MSI2: variants seen among roughly 807,000 people sequenced by gnomAD.
MSI2 encodes the protein musashi RNA binding protein 2.
A neutral mutation model predicts 45.6 loss-of-function variants in MSI2; 17 were observed. That is an observed-to-expected ratio of 0.37 (90% CI 0.26 to 0.56). MSI2 has a LOEUF of 0.56. Ranked by LOEUF, MSI2 falls within the 20% of genes least tolerant of loss-of-function variation. The pLI is 0.77. For synonymous variants in MSI2, 156 were observed against 158.2 expected (o/e 0.99, Z 0.11); for missense variants, 293 against 444.2 (o/e 0.66, Z 3.06).
At chr17:57,530,791 CAAG>C (rs912465386) in intron 7 of MSI2, among the ~76,000 whole-genome samples, 1 of 152,118 alleles carries the variant, frequency 6.6e-6, no homozygotes, top group African/African-American at 2.4e-5. Flanking sequence ...GAGTGAAAGG[CAAG>C]AAGGAGTGGA....
chr17:57,514,261 G>A (rs75967453), intron 6 of MSI2, among the ~76,000 whole-genome samples: 3,112 of 152,172 alleles, frequency 0.02, 85 homozygotes, highest in East Asian at 0.09. Context: ...TGTGCAAAAT[G>A]TAGAAATGAT....
At chr17:57,386,047 T>A (rs1290833347) in intron 5 of MSI2, among the ~76,000 whole-genome samples, 1 of 152,204 alleles carries the variant, frequency 6.6e-6, no homozygotes, top group Non-Finnish European at 1.5e-5. Context: ...TGAATGCCAG[T>A]GGTTTCTGGC....
chr17:57,460,729 G>A (rs1167785947), intron 6 of MSI2, among the ~76,000 whole-genome samples: 1 of 152,154 alleles, frequency 6.6e-6, no homozygotes, highest in Non-Finnish European at 1.5e-5. Flanking sequence ...TAGGAAACTT[G>A]TACTTTATCC....
intron 7 of MSI2, among the ~76,000 whole-genome samples, chr17:57,587,320 C>A (rs1196840002): frequency 6.6e-6 from 1 of 152,238 alleles, no homozygotes; most frequent in Admixed American, 6.5e-5. Context: ...TAGAAGGTTT[C>A]TCCTCACATT....
At chr17:57,424,968 T>A (rs2084464201) in intron 6 of MSI2, among the ~76,000 whole-genome samples, 1 of 152,166 alleles carries the variant, frequency 6.6e-6, no homozygotes, top group Non-Finnish European at 1.5e-5. Flanking sequence ...CTTCTGATCC[T>A]CAGCGAGGCC....
chr17:57,267,604 C>T (rs1907922179), intron 5 of MSI2: 1 of 151,470 alleles, frequency 6.6e-6, no homozygotes, highest in African/African-American at 2.4e-5. Flanking sequence ...AATCTTCGGC[C>T]GAAAACCCCG....
intron 8 of MSI2, among the ~76,000 whole-genome samples, chr17:57,614,820 T>C (rs1907520642): frequency 6.6e-6 from 1 of 152,214 alleles, no homozygotes; most frequent in African/African-American, 2.4e-5. Flanking sequence ...CTGAGGTTTA[T>C]AGTTCGCATA....
downstream of MSI2, among the ~76,000 whole-genome samples, chr17:57,687,255 A>G (rs182054954): frequency 3.9e-5 from 6 of 151,934 alleles, no homozygotes; most frequent in East Asian, 9.6e-4. Context: ...GAAGGAATAT[A>G]TTACTTTTTC....
intron 5 of MSI2, among the ~76,000 whole-genome samples, chr17:57,328,593 C>G (rs982072524): frequency 6.6e-6 from 1 of 152,200 alleles, no homozygotes; most frequent in Non-Finnish European, 1.5e-5. Flanking sequence ...GCCGGTTACA[C>G]ACATCAACAG....
chr17:57,330,761 G>A (rs1014002842), intron 5 of MSI2, among the ~76,000 whole-genome samples: 48 of 152,204 alleles, frequency 3.2e-4, no homozygotes, highest in African/African-American at 1.1e-3. Flanking sequence ...AGGAAGCATT[G>A]TGCAGTGGTA....
chr17:57,487,888 T>C (rs1219981614), intron 6 of MSI2, among the ~76,000 whole-genome samples: 1 of 151,778 alleles, frequency 6.6e-6, no homozygotes, highest in African/African-American at 2.4e-5. Context: ...CCTCCCTCTA[T>C]TCTCATAGTA....
At chr17:57,549,250 G>C (rs567006495) in intron 7 of MSI2, among the ~76,000 whole-genome samples, 1 of 151,658 alleles carries the variant, frequency 6.6e-6, no homozygotes, top group Non-Finnish European at 1.5e-5. Context: ...CAGTTATGTG[G>C]GCTTGGTGCC....
intron 6 of MSI2, among the ~76,000 whole-genome samples, chr17:57,499,583 T>G (rs114491483): frequency 6.7e-4 from 102 of 152,308 alleles, no homozygotes; most frequent in African/African-American, 2.4e-3. Context: ...CGGTTATCTA[T>G]TGATGCATAA....
chr17:57,668,908 G>C (rs186841586), intron 11 of MSI2, among the ~76,000 whole-genome samples: 155 of 152,200 alleles, frequency 1.0e-3, no homozygotes, highest in Admixed American at 7.6e-3. Flanking sequence ...GAACTGATTT[G>C]ATTTTAACTT....
At chr17:57,288,057 T>C (rs2143439834) in intron 5 of MSI2, among the ~76,000 whole-genome samples, 1 of 152,196 alleles carries the variant, frequency 6.6e-6, no homozygotes, top group South Asian at 2.1e-4. Context: ...AGAGAGGCAA[T>C]GTGGTATGGT....
chr17:57,283,841 C>T (rs909898560), intron 5 of MSI2, among the ~76,000 whole-genome samples: 10 of 152,218 alleles, frequency 6.6e-5, no homozygotes, highest in Non-Finnish European at 1.5e-4. Context: ...GAATGTGTGT[C>T]CCAGGCTTGG....
At chr17:57,256,329 G>A (rs950138984), upstream of MSI2, among the ~76,000 whole-genome samples, 17 of 151,554 alleles carry the variant, frequency 1.1e-4, no homozygotes, top group African/African-American at 3.9e-4. Flanking sequence ...GTCCGGCCGT[G>A]GGGGGCCGAG....
At chr17:57,574,848 T>C (rs2087976774) in intron 7 of MSI2, among the ~76,000 whole-genome samples, 1 of 143,240 alleles carries the variant, frequency 7.0e-6, no homozygotes, top group Non-Finnish European at 1.6e-5. Context: ...TTTTTTTTTT[T>C]GAGACGGAGT....
chr17:57,256,117 C>G (rs1393018666), upstream of MSI2: 1 of 152,242 alleles, frequency 6.6e-6, no homozygotes, highest in African/African-American at 2.4e-5. Flanking sequence ...AGAGGGCGAA[C>G]TAGAGAGGGT....
Sources: gnomAD v4.1 joint callset for allele counts (sites outside exome capture counted in the v4.1 genomes callset) on GRCh38, gnomAD v4.1.1 for gene constraint, MANE v1.5 for transcripts, NCBI Gene and HGNC (gene_info 2026-07-23, HGNC 2026-07-21) for gene names.